PHLPP2: variants seen among roughly 807,000 people sequenced by gnomAD.
PHLPP2 encodes PH domain leucine-rich repeat-containing protein phosphatase 2.
In PHLPP2, 66 loss-of-function variants were observed where a neutral mutation model predicts 124.9. The ratio of observed to expected loss-of-function variants is 0.53; its 90% CI spans 0.43 to 0.65. The LOEUF (loss-of-function observed/expected upper bound fraction) is 0.65. PHLPP2 is among the 30% of genes least tolerant of loss of function. PHLPP2 has a pLI of 0.00. For synonymous variants in PHLPP2, 681 were observed against 624.7 expected (o/e 1.09, Z -1.34); for missense variants, 1,685 against 1,600.4 (o/e 1.05, Z -0.90).
chr16:71,649,438 G>A lies in PHLPP2; in HGVS notation c.3424C>T (p.Gln1142Ter), dbSNP rs1216257873. Residue 1142 changes from glutamine to a stop codon, truncating the protein, a stop_gained, in exon 19 of 19, where the codon CAG (glutamine) becomes TAG (stop). Coordinates refer to ENST00000568954, the MANE Select transcript of PHLPP2 (RefSeq NM_015020.3). LOFTEE classifies it high-confidence loss of function. ...QPSSATFSSN[Q>*]SDNGLDSDDD... The stretch of plus-strand genomic sequence containing the variant: ...TCACTGTCCAGGCCGTTGTCAGACT[G>A]GTTACTGGAGAAGGTAGCAGAAGAA... The A allele has an allele frequency of 6.2e-7, 1 of 1,614,080 alleles. No individual in the cohort carries two copies. Among genetic ancestry groups the A allele is most frequent in the East Asian group, 2.2e-5 (1 of 44,872 alleles).
intron 2 of PHLPP2, among the ~76,000 whole-genome samples, chr16:71,712,479 T>C (rs2045330386): frequency 6.6e-6 from 1 of 152,198 alleles, no homozygotes; most frequent in African/African-American, 2.4e-5. Context: ...TTTGTATACA[T>C]AAACATTACT....
chr16:71,689,987 T>A (rs1009366579), intron 4 of PHLPP2, among the ~76,000 whole-genome samples: 6 of 152,184 alleles, frequency 3.9e-5, no homozygotes, highest in African/African-American at 1.2e-4. Flanking sequence ...CATGTATAGA[T>A]AGCTTCCTAA....
rs1255387164 is a variant in PHLPP2, at chr16:71,647,702, G to A, written c.*1188C>T. On this transcript the variant is annotated 3_prime_UTR_variant, in exon 19 of 19. Coordinates refer to ENST00000568954, the MANE Select transcript of PHLPP2 (RefSeq NM_015020.3). ...GACGCCAATCCCTAAATTTCCCTGGGAAATACCTAGCAGGTATCATATTTG... is the reference window on the plus strand; with the variant it reads ...GACGCCAATCCCTAAATTTCCCTGGAAAATACCTAGCAGGTATCATATTTG... 1.3e-5 allele frequency: 2 copies of A among 152,128 alleles called. No individual in the cohort carries two copies. Among genetic ancestry groups the A allele is most frequent in the East Asian group, 3.9e-4 (2 of 5,186 alleles). The allele number at this position is 152,128 out of a possible 1,614,324, so 9.4% of individuals were successfully genotyped here.
At chr16:71,711,906 T>C (rs571018468) in intron 2 of PHLPP2, among the ~76,000 whole-genome samples, 14 of 152,338 alleles carry the variant, frequency 9.2e-5, no homozygotes, top group Non-Finnish European at 1.8e-4. Context: ...CATGATTAAA[T>C]AGTGAAACTG....
At chr16:71,709,968 G>A (rs1351200063) in intron 2 of PHLPP2, among the ~76,000 whole-genome samples, 9 of 152,000 alleles carry the variant, frequency 5.9e-5, no homozygotes, top group East Asian at 1.9e-4. Flanking sequence ...CAAGAAGTGC[G>A]CGCACTGGAA....
At chr16:71,651,273 G>A (rs2044694312) in intron 18 of PHLPP2, among the ~76,000 whole-genome samples, 1 of 150,940 alleles carries the variant, frequency 6.6e-6, no homozygotes. Context: ...GGGAGGTGGA[G>A]ATTGTGGTGA....
intron 4 of PHLPP2, among the ~76,000 whole-genome samples, chr16:71,685,040 A>G (rs2045040841): frequency 6.6e-6 from 1 of 152,202 alleles, no homozygotes; most frequent in Non-Finnish European, 1.5e-5. Flanking sequence ...CCTTAAAGAA[A>G]TTCTCGGCCA....
At chr16:71,666,670 A>T (rs2044842945) in intron 12 of PHLPP2, among the ~76,000 whole-genome samples, 2 of 152,266 alleles carry the variant, frequency 1.3e-5, no homozygotes. Context: ...TGAGAAGGCA[A>T]ATGACACCTT....
At chr16:71,669,935 A>T (rs1460428730) in intron 10 of PHLPP2, among the ~76,000 whole-genome samples, 1 of 152,202 alleles carries the variant, frequency 6.6e-6, no homozygotes, top group African/African-American at 2.4e-5. Context: ...GCCTCAAGGT[A>T]TCTACAGGTT....
At chr16:71,692,980 T>C (rs868162172) in intron 3 of PHLPP2, among the ~76,000 whole-genome samples, 2 of 152,106 alleles carry the variant, frequency 1.3e-5, no homozygotes, top group African/African-American at 4.8e-5. Context: ...CAACTACATG[T>C]TTACCATCAC....
chr16:71,711,783 A>G (rs1567629741), intron 2 of PHLPP2, among the ~76,000 whole-genome samples: 1 of 152,246 alleles, frequency 6.6e-6, no homozygotes, highest in African/African-American at 2.4e-5. Flanking sequence ...TAGATTGTCA[A>G]CTATCTGACA....
chr16:71,681,729 T>G (rs2045000406), intron 6 of PHLPP2, 22 bp downstream of exon 6: 1 of 1,582,622 alleles, frequency 6.3e-7, no homozygotes, highest in African/African-American at 1.4e-5. Flanking sequence ...CAGGTTAGTC[T>G]GGAAACCCAT....
Position 71,648,544 on chromosome 16 carries a change from T to A in PHLPP2, c.*346A>T. ...CAGCACTTTGGGAGGCAGAGGAGGG[T>A]GGATCACCTGAGGTCAAGAGTTCAA... On this transcript the variant is annotated 3_prime_UTR_variant, in exon 19 of 19. Transcript: ENST00000568954. 4.2e-6 allele frequency: 1 copy of A among 239,812 alleles called. No homozygotes were observed. The highest frequency in any genetic ancestry group is 8.7e-5 in the South Asian group (1 of 11,554). The allele number at this position is 239,812 out of a possible 1,614,324, so 14.9% of individuals were successfully genotyped here. A position where few individuals can be genotyped will look rare whatever the true frequency, so the allele number is the denominator to read the frequency against.
chr16:71,691,912 A>G (rs1248095446), intron 3 of PHLPP2, among the ~76,000 whole-genome samples: 1 of 152,104 alleles, frequency 6.6e-6, no homozygotes, highest in East Asian at 1.9e-4. Flanking sequence ...CCTGGACATC[A>G]TAGTAAGACC....
At chr16:71,723,836 G>T (rs926752394) in intron 1 of PHLPP2, 2 of 1,235,170 alleles carry the variant, frequency 1.6e-6, no homozygotes, top group South Asian at 2.7e-5. Flanking sequence ...GGGCTCCAGC[G>T]GGCCCGCGGG....
chr16:71,719,269 T>C (rs2045382407), intron 1 of PHLPP2, among the ~76,000 whole-genome samples: 1 of 152,208 alleles, frequency 6.6e-6, no homozygotes, highest in South Asian at 2.1e-4. Context: ...GCGCAGTGGC[T>C]CATGCCTGTA....
At chr16:71,709,909 C>T (rs1282636235) in intron 2 of PHLPP2, among the ~76,000 whole-genome samples, 1 of 152,194 alleles carries the variant, frequency 6.6e-6, no homozygotes, top group African/African-American at 2.4e-5. Flanking sequence ...TCTTGGCTCA[C>T]TGCAACCTCC....
chr16:71,649,853 T>C lies in PHLPP2; in HGVS notation c.3009A>G (p.Val1003=). Residue 1003 remains valine, a synonymous_variant, in exon 19 of 19, where the codon GTA becomes GTG. Transcript: ENST00000568954. ...YTEAVNAVRH[V]QDPLAAAKKL... is the part of the protein sequence containing the mutation. ...TCTTAGCAGCTGCTAATGGGTCTTG[T>C]ACGTGACGTACAGCATTGACAGCTT... The C allele has an allele frequency of 6.2e-7, 1 of 1,614,252 alleles. No homozygotes were observed. Among genetic ancestry groups the C allele is most frequent in the Non-Finnish European group, 8.5e-7 (1 of 1,180,042 alleles).
At chr16:71,656,521 G>A (rs778575274) in intron 16 of PHLPP2, 50 bp downstream of exon 16, 3 of 1,054,598 alleles carry the variant, frequency 2.8e-6, no homozygotes, top group African/African-American at 1.6e-5. Flanking sequence ...GTTCTCAGAT[G>A]CCAGGGGCTG....
Sources: allele counts gnomAD v4.1 joint callset (sites outside exome capture counted in the v4.1 genomes callset), GRCh38; gene constraint gnomAD v4.1.1; transcripts MANE v1.5; gene names NCBI Gene and HGNC (gene_info 2026-07-23, HGNC 2026-07-21).